The following CFAP74 variants were observed in gnomAD, a reference collection of about 807,000 sequenced individuals.
CFAP74 encodes the protein cilia and flagella associated protein 74.
CFAP74 carries 124 observed loss-of-function variants against 188.9 expected under a neutral mutation model. That is an observed-to-expected ratio of 0.66 (90% confidence interval 0.57 to 0.76). CFAP74 has a LOEUF of 0.76. Ranked by LOEUF, CFAP74 falls within the 30% of genes least tolerant of loss-of-function variation. CFAP74 has a pLI of 0.00. For missense variants in CFAP74, 2,198 were observed against 2,165.2 expected (o/e 1.02, Z -0.30); for synonymous variants, 956 against 916.7 (o/e 1.04, Z -0.77).
At position 1,973,910 on chromosome 1, in the gene CFAP74, T is replaced by G; in HGVS notation, c.674+115A>C. On this transcript the variant is annotated intron_variant, in intron 7 of 38. Coordinates refer to ENST00000682832, the MANE Select transcript of CFAP74 (RefSeq NM_001304360.2). This position sits in a 1 kb window ranked among gnomAD's most constrained non-coding sequence, Gnocchi z 6.2. ...GGGAGGAGGCAGGGAGGGGTGGAGG[T>G]GGATCTGGACAGATGTGGAGGGCGA... 2.0e-6 allele frequency: 2 copies of G among 987,758 alleles called. No individual in the cohort carries two copies. The highest frequency in any genetic ancestry group is 1.7e-5 in the African/African-American group (1 of 58,584). The allele number at this position is 987,758 out of a possible 1,614,324, so 61.2% of individuals were successfully genotyped here.
chr1:1,959,000 T>C (rs1194425946), intron 16 of CFAP74, 120 bp downstream of exon 16: 19 of 678,680 alleles, frequency 2.8e-5, no homozygotes, highest in East Asian at 5.3e-5. Context: ...CTGGTGAAGA[T>C]TGGAGCTTCC....
At position 1,922,229 on chromosome 1, in the gene CFAP74, A is replaced by G. The variant is rs1288279413; in HGVS notation, c.*58T>C. 2.2e-6 allele frequency: 3 copies of G among 1,349,846 alleles called. No homozygotes were observed. The highest frequency in any genetic ancestry group is 3.7e-5 in the Admixed American group (2 of 53,830). The allele number at this position is 1,349,846 out of a possible 1,614,324, so 83.6% of individuals were successfully genotyped here. A position where few individuals can be genotyped will look rare whatever the true frequency, so the allele number is the denominator to read the frequency against. On this transcript the variant is annotated 3_prime_UTR_variant, in exon 39 of 39. Coordinates refer to ENST00000682832, the MANE Select transcript of CFAP74 (RefSeq NM_001304360.2). ...TCTAGGGTAGTATGACCTGGCCCTC[A>G]GCCTGGGGAGGGCTTTGAGGGTGGA...
At chr1:1,967,831 A>G (rs1052302371) in intron 11 of CFAP74, among the ~76,000 whole-genome samples, 1 of 152,188 alleles carries the variant, frequency 6.6e-6, no homozygotes, top group African/African-American at 2.4e-5. Flanking sequence ...CATTCCCCCA[A>G]CTGAAGCCAG....
chr1:1,964,879 C>T lies in CFAP74; in HGVS notation c.1575+9G>A, dbSNP rs778260037. The T allele has an allele frequency of 3.5e-5, 56 of 1,613,364 alleles. No individual in the cohort carries two copies. In the East Asian group the frequency reaches 8.0e-4, roughly 23 times the overall value. ...GCCCGTCCCGTTCCTGGCCCAGCTG[C>T]GGGCTCACCTGGAAGTGGAGGAGCT... On this transcript the variant is annotated intron_variant, in intron 13 of 38. Coordinates refer to ENST00000682832, the MANE Select transcript of CFAP74 (RefSeq NM_001304360.2).
intron 6 of CFAP74, 146 bp downstream of exon 6, chr1:1,985,240 G>C (rs1212329301): frequency 1.5e-6 from 1 of 645,608 alleles, no homozygotes; most frequent in Non-Finnish European, 2.8e-6. Context: ...TCCAACCACT[G>C]CATTCACCGA....
Position 1,972,032 on chromosome 1 carries a change from CT to C in CFAP74, c.835del (p.Arg279GlyfsTer10). On this transcript the variant is annotated frameshift_variant, in exon 9 of 39. Transcript: ENST00000682832. LOFTEE classifies it high-confidence loss of function. ...KEEMECHEYM[R>X]RRMDAVVALK... ...CGCCACCACCGCATCCATGCGTCGC[CT>C]CATGTACTCGTGGCACTCCATCTCC... 1 of 1,613,060 alleles carries C rather than the reference CT, an allele frequency of 6.2e-7. No individual in the cohort carries two copies. The highest frequency in any genetic ancestry group is 8.5e-7 in the Non-Finnish European group (1 of 1,180,012).
intron 11 of CFAP74, among the ~76,000 whole-genome samples, chr1:1,967,961 G>A (rs13303007): frequency 0.23 from 34,312 of 151,532 alleles, 4,261 homozygotes; most frequent in Middle Eastern, 0.33. Context: ...CAGTGAGTGA[G>A]TGAATGAGTG....
intron 10 of CFAP74, 30 bp downstream of exon 10, chr1:1,970,629 T>A: frequency 6.3e-7 from 1 of 1,581,078 alleles, no homozygotes; most frequent in Non-Finnish European, 8.6e-7. Context: ...GGCGGGTGCC[T>A]CCCGGTGGCA....
intron 25 of CFAP74, among the ~76,000 whole-genome samples, chr1:1,930,806 A>C (rs1283542026): frequency 2.6e-5 from 4 of 152,222 alleles, no homozygotes; most frequent in Admixed American, 2.6e-4. Context: ...ATATTTATTG[A>C]CGTTTTAAAA....
At chr1:1,978,364 G>A (rs963336989) in intron 6 of CFAP74, among the ~76,000 whole-genome samples, 21 of 152,128 alleles carry the variant, frequency 1.4e-4, no homozygotes, top group African/African-American at 4.8e-4. Context: ...GCTAGGCCTG[G>A]GAGGGAGCCG....
chr1:1,939,537 G>C (rs527913602), intron 24 of CFAP74, 57 bp downstream of exon 24: 1 of 1,482,054 alleles, frequency 6.7e-7, no homozygotes, highest in Non-Finnish European at 9.1e-7. Flanking sequence ...GCTGCATCCT[G>C]TCCCCAGGAC....
At chr1:1,922,556 G>A in intron 38 of CFAP74, 33 bp downstream of exon 38, 1 of 1,605,238 alleles carries the variant, frequency 6.2e-7, no homozygotes, top group Non-Finnish European at 8.5e-7. Context: ...GGCGTTCCCA[G>A]GGCTCCCTGG....
chr1:1,936,500 T>G (rs1652908054), intron 25 of CFAP74, among the ~76,000 whole-genome samples: 1 of 149,970 alleles, frequency 6.7e-6, no homozygotes. Flanking sequence ...GCCGAGATCA[T>G]GCCACTGCAC....
At position 1,942,244 on chromosome 1, in the gene CFAP74, G is replaced by GGCGCGGTGGCT; in HGVS notation, c.2487-89_2487-88insAGCCACCGCGC. On this transcript the variant is annotated intron_variant, in intron 21 of 38. Transcript: ENST00000682832. The surrounding 1 kb of genome is among the most constrained non-coding windows in gnomAD (Gnocchi z 4.3). Reference sequence around the variant, plus strand: ...GCCTGGAGTTATTAAAACATTTCTGGCACCCAAGCCCCCGAGAGGTGCTCA... The same window carrying GGCGCGGTGGCT: ...GCCTGGAGTTATTAAAACATTTCTGGGCGCGGTGGCTCACCCAAGCCCCCGAGAGGTGCTCA... 2.3e-6 allele frequency: 3 copies of GGCGCGGTGGCT among 1,313,790 alleles called. No individual in the cohort carries two copies. Among genetic ancestry groups the GGCGCGGTGGCT allele is most frequent in the Non-Finnish European group, 2.9e-6 (3 of 1,018,026 alleles). The allele number at this position is 1,313,790 out of a possible 1,614,324, so 81.4% of individuals were successfully genotyped here.
intron 25 of CFAP74, 64 bp from the exon 26 acceptor site, chr1:1,930,400 G>A (rs1030722247): frequency 2.7e-5 from 39 of 1,443,236 alleles, no homozygotes; most frequent in African/African-American, 1.8e-4. Flanking sequence ...TGCGGCAGGC[G>A]CGGGGGCCAC....
chr1:1,966,078 G>C (rs1655444432), intron 12 of CFAP74, among the ~76,000 whole-genome samples: 1 of 152,216 alleles, frequency 6.6e-6, no homozygotes, highest in Non-Finnish European at 1.5e-5. Context: ...TTCAGCTTTG[G>C]AGCCCCACCG....
In CFAP74 at chr1:1,975,061, G is replaced by C. The variant is rs535563910; in HGVS notation, c.501-863C>G. Among the ~76,000 whole-genome samples the C allele has an allele frequency of 4.6e-5, 7 of 152,236 alleles. No homozygotes were observed. Among genetic ancestry groups the C allele is most frequent in the Non-Finnish European group, 8.8e-5 (6 of 68,040 alleles). On this transcript the variant is annotated intron_variant, in intron 6 of 38. Transcript: ENST00000682832. The surrounding 1 kb of genome is among the most constrained non-coding windows in gnomAD (Gnocchi z 4.5). Reference sequence around the variant, plus strand: ...CTGGACAAGGTCAGACGCAGGCGTTGAGCCGGCATCCTCACTGCATTGCTG... The same window carrying C: ...CTGGACAAGGTCAGACGCAGGCGTTCAGCCGGCATCCTCACTGCATTGCTG...
rs185162648 is a variant in CFAP74, at chr1:1,966,981, C to T, written c.1246-455G>A. Among the ~76,000 whole-genome samples the T allele has an allele frequency of 7.4e-4, 113 of 152,172 alleles. 2 individuals carry two copies. The highest frequency in any genetic ancestry group is 6.6e-3 in the South Asian group (32 of 4,820). On this transcript the variant is annotated intron_variant, in intron 11 of 38. Coordinates refer to ENST00000682832, the MANE Select transcript of CFAP74 (RefSeq NM_001304360.2). ...CCTCCCGAGTAGCTGGGATTGCAGG[C>T]GCCCGCCACCACACCCAGCTAATTT... is the stretch of plus-strand genomic sequence containing the variant.
intron 23 of CFAP74, 53 bp downstream of exon 23, chr1:1,940,263 G>A: frequency 7.2e-7 from 1 of 1,395,282 alleles, no homozygotes; most frequent in South Asian, 1.2e-5. Context: ...TCCCAGGAAA[G>A]CCCCTGCTAC....
Sources: gnomAD v4.1 joint callset for allele counts (sites outside exome capture counted in the v4.1 genomes callset) on GRCh38, gnomAD v4.1.1 for gene constraint, Gnocchi (gnomAD v3.1) non-coding constraint, MANE v1.5 for transcripts, NCBI Gene and HGNC (gene_info 2026-07-23, HGNC 2026-07-21) for gene names.